The following EP300 variants were observed in gnomAD, a reference collection of about 807,000 sequenced individuals.
The protein encoded by EP300 is histone acetyltransferase p300.
EP300 carries 31 observed loss-of-function variants against 264.0 expected under a neutral mutation model. That is an observed-to-expected ratio of 0.12 (90% CI 0.09 to 0.16). The LOEUF is 0.16. EP300 is among the 10% of genes least tolerant of loss of function. EP300 has a pLI of 1.00. For synonymous variants in EP300, 1,340 were observed against 1,045.4 expected, an observed-to-expected ratio of 1.28 and a Z score of -5.44; for missense variants, 2,766 against 3,052.9, an observed-to-expected ratio of 0.91 and a Z score of 2.21.
chr22:41,129,334 G>A (rs535968526), intron 4 of EP300, among the ~76,000 whole-genome samples: 1 of 152,284 alleles, frequency 6.6e-6, no homozygotes, highest in East Asian at 1.9e-4. Flanking sequence ...GTTTTTGTGA[G>A]CAAGTATCTA....
At chr22:41,109,322 A>G (rs1225828624) in intron 1 of EP300, among the ~76,000 whole-genome samples, 1 of 152,042 alleles carries the variant, frequency 6.6e-6, no homozygotes, top group Non-Finnish European at 1.5e-5. Context: ...ATTTGGCTTC[A>G]GTAAATGAAA....
In EP300 at chr22:41,093,102, A is replaced by G. The variant is rs2058682717; in HGVS notation, c.94+4A>G. On this transcript the variant is annotated splice_donor_region_variant and intron_variant, in intron 1 of 30. Transcript: ENST00000263253. ...GCGTCCGCCAGCGATGGCACAGGTT[A>G]GTTTCGGCAGCCCCGGCCTTCCACG... 6 of 1,613,652 alleles carry G rather than the reference A, an allele frequency of 3.7e-6. No homozygotes were observed. Among genetic ancestry groups the G allele is most frequent in the Non-Finnish European group, 4.2e-6 (5 of 1,179,916 alleles).
intron 10 of EP300, among the ~76,000 whole-genome samples, chr22:41,142,892 A>G (rs1166161443): frequency 1.3e-5 from 2 of 152,106 alleles, no homozygotes; most frequent in Non-Finnish European, 2.9e-5. Context: ...TCTCAAAAAA[A>G]AAACAAGTGG....
intron 29 of EP300, among the ~76,000 whole-genome samples, chr22:41,175,509 C>T (rs1010860758): frequency 6.6e-6 from 1 of 152,134 alleles, no homozygotes; most frequent in African/African-American, 2.4e-5. Flanking sequence ...CTTCAATGAA[C>T]AAGAATTTTA....
intron 2 of EP300, among the ~76,000 whole-genome samples, chr22:41,122,949 T>C (rs561822197): frequency 6.6e-6 from 1 of 152,098 alleles, no homozygotes; most frequent in Non-Finnish European, 1.5e-5. Context: ...GATGGGAGAA[T>C]TGCTTGAGCC....
Position 41,178,724 on chromosome 22 carries a change from A to G in EP300, c.7013A>G (p.His2338Arg), listed in dbSNP as rs755811743. ...AGGATGCAGCCTCAGCCTTCTCCACACCACGTTTCCCCACAGACAAGTTCC... is the reference window on the plus strand; with the variant it reads ...AGGATGCAGCCTCAGCCTTCTCCACGCCACGTTTCCCCACAGACAAGTTCC... ...SPRMQPQPSP[H>R]HVSPQTSSPH... Residue 2338 changes from histidine to arginine, a missense_variant, in exon 31 of 31, where the codon CAC becomes CGC. Physicochemically the swap from His to Arg is conservative, Grantham distance 29. Coordinates refer to ENST00000263253, the MANE Select transcript of EP300 (RefSeq NM_001429.4). 3 of 1,613,822 alleles carry G rather than the reference A, an allele frequency of 1.9e-6. No individual in the cohort carries two copies. The highest frequency in any genetic ancestry group is 2.5e-6 in the Non-Finnish European group (3 of 1,179,948).
chr22:41,178,131 T>C lies in EP300; in HGVS notation c.6420T>C (p.Val2140=). ...MQNMNPMQAG[V]QRAGLPQQQP... is the part of the protein sequence containing the mutation. ...ACATGAATCCAATGCAGGCGGGCGT[T>C]CAGAGGGCTGGCCTGCCCCAGCAGC... Residue 2140 remains valine (V), a synonymous_variant, in exon 31 of 31, where the codon GTT becomes GTC. Transcript: ENST00000263253. 1 of 1,614,062 alleles carries C rather than the reference T, an allele frequency of 6.2e-7. No individual in the cohort carries two copies. Among genetic ancestry groups the C allele is most frequent in the Non-Finnish European group, 8.5e-7 (1 of 1,180,002 alleles).
At chr22:41,134,000 A>G (rs2058935108) in intron 6 of EP300, among the ~76,000 whole-genome samples, 1 of 152,160 alleles carries the variant, frequency 6.6e-6, no homozygotes, top group Admixed American at 6.5e-5. Context: ...AGCTTCTTGT[A>G]TTCAAGTTTG....
intron 4 of EP300, 134 bp from the exon 5 acceptor site, chr22:41,129,756 C>G (rs949600456): frequency 2.9e-6 from 2 of 693,030 alleles, no homozygotes; most frequent in Non-Finnish European, 2.5e-6. Context: ...TTAATAGGAG[C>G]TACCTTATAG....
intron 20 of EP300, 120 bp from the exon 21 acceptor site, chr22:41,162,603 T>A (rs1456117833): frequency 1.2e-5 from 9 of 742,478 alleles, no homozygotes; most frequent in Non-Finnish European, 2.2e-5. Flanking sequence ...CCTATTTAAA[T>A]GTGTATTCTT....
intron 1 of EP300, among the ~76,000 whole-genome samples, chr22:41,111,220 C>T (rs1348055398): frequency 6.6e-6 from 1 of 152,158 alleles, no homozygotes; most frequent in African/African-American, 2.4e-5. Flanking sequence ...CAGCAGTCCA[C>T]CTGTCTCAGC....
Position 41,168,995 on chromosome 22 carries a change from C to G in EP300, c.4172+128C>G, listed in dbSNP as rs572626113. 1.9e-5 allele frequency: 25 copies of G among 1,336,388 alleles called. No homozygotes were observed. The East Asian group carries it at 5.3e-4, about 28-fold the overall frequency. 82.8% of individuals were successfully genotyped at this position (1,336,388 alleles called of 1,614,324 possible). ...TTGGAAATGCAAAATCTCAAGTGTC[C>G]AGTAATTTTAAAGTGAAACAGATTA... On this transcript the variant is annotated intron_variant, in intron 25 of 30. Transcript: ENST00000263253.
At chr22:41,129,728 G>A (rs2145713083) in intron 4 of EP300, among the ~76,000 whole-genome samples, 162 bp from the exon 5 acceptor site, 1 of 152,180 alleles carries the variant, frequency 6.6e-6, no homozygotes, top group South Asian at 2.1e-4. Flanking sequence ...TGCCTTTCTT[G>A]ACTGTGAATT....
intron 1 of EP300, among the ~76,000 whole-genome samples, chr22:41,108,794 C>T (rs762004757): frequency 2.0e-5 from 3 of 152,116 alleles, no homozygotes; most frequent in Non-Finnish European, 4.4e-5. Context: ...CTTTAGGAAG[C>T]GGGAAATGTC....
chr22:41,171,484 A>C (rs2059170504), intron 27 of EP300, among the ~76,000 whole-genome samples: 1 of 151,934 alleles, frequency 6.6e-6, no homozygotes, highest in Non-Finnish European at 1.5e-5. Context: ...CTAGGTGCAC[A>C]CTACGAGAGC....
chr22:41,137,703 C>T lies in EP300; in HGVS notation c.1673C>T (p.Thr558Ile). The T allele has an allele frequency of 6.2e-7, 1 of 1,614,196 alleles. No individual in the cohort carries two copies. The highest frequency in any genetic ancestry group is 8.5e-7 in the Non-Finnish European group (1 of 1,180,042). Residue 558 changes from threonine (T) to isoleucine (I), a missense_variant, in exon 8 of 31, where the codon ACA becomes ATA. Coordinates refer to ENST00000263253, the MANE Select transcript of EP300 (RefSeq NM_001429.4). ...ASVPSLGPMPTAAQPSTTGIR... is the reference protein window; with the variant it reads ...ASVPSLGPMPIAAQPSTTGIR... ...GTGCCCTCCCTGGGTCCTATGCCAA[C>T]AGCAGCTCAACCATCCACTACTGGA...
chr22:41,162,807 T>C (rs752561280), intron 21 of EP300, 28 bp downstream of exon 21: 1 of 1,593,286 alleles, frequency 6.3e-7, no homozygotes, highest in South Asian at 1.1e-5. Flanking sequence ...GAATAGTCAG[T>C]ACGCTTTGGC....
chr22:41,113,952 A>C (rs1294954890), intron 1 of EP300, among the ~76,000 whole-genome samples: 2 of 152,258 alleles, frequency 1.3e-5, no homozygotes, highest in Non-Finnish European at 2.9e-5. Context: ...CTGTTTTTAA[A>C]ATTTCTAAAG....
At chr22:41,168,285 A>T (rs1456581701) in intron 23 of EP300, 164 bp from the exon 24 acceptor site, 1 of 711,004 alleles carries the variant, frequency 1.4e-6, no homozygotes, top group East Asian at 2.6e-5. Context: ...CACTCATATG[A>T]CATGTAAATC....
Sources: gnomAD v4.1 joint callset for allele counts (sites outside exome capture counted in the v4.1 genomes callset) on GRCh38, gnomAD v4.1.1 for gene constraint, MANE v1.5 for transcripts, NCBI Gene and HGNC (gene_info 2026-07-23, HGNC 2026-07-21) for gene names.